The following GPR108 variants were observed in gnomAD, a reference collection of about 807,000 sequenced individuals.
GPR108 encodes the protein protein GPR108.
GPR108 carries 60 observed loss-of-function variants against 74.3 expected under a neutral mutation model. That is an observed-to-expected ratio of 0.81 (90% CI 0.66 to 1.00). The LOEUF (loss-of-function observed/expected upper bound fraction) is 1.00. Among genes scored for constraint, GPR108 ranks in the 50% least tolerant of loss-of-function variants. The pLI, the probability that GPR108 is intolerant of heterozygous loss-of-function variation, is 0.00. For missense variants in GPR108, 667 were observed against 703.3 expected, an observed-to-expected ratio of 0.95 and a Z score of 0.58; for synonymous variants, 311 against 292.4, an observed-to-expected ratio of 1.06 and a Z score of -0.65.
intron 8 of GPR108, 77 bp downstream of exon 8, chr19:6,733,493 A>G: frequency 6.8e-7 from 1 of 1,479,506 alleles, no homozygotes; most frequent in Admixed American, 1.7e-5. Context: ...GGAAAAGCTA[A>G]GCGGGGTGAG....
At position 6,732,081 on chromosome 19, in the gene GPR108, C is replaced by T. The variant is rs368245880; in HGVS notation, c.1200G>A (p.Glu400=). The T allele has an allele frequency of 1.2e-6, 2 of 1,614,004 alleles. No individual in the cohort carries two copies. The highest frequency in any genetic ancestry group is 1.7e-6 in the Non-Finnish European group (2 of 1,180,014). Residue 400 remains glutamate, a synonymous_variant, in exon 13 of 18, where the codon GAG becomes GAA. Coordinates refer to ENST00000264080, the MANE Select transcript of GPR108 (RefSeq NM_001080452.2). The part of the protein sequence containing the change: ...EGASDYVLWK[E]ILFLVDLICC... ...AGATGAGGTCCACCAGGAACAAAAT[C>T]TCCTTCCACAGCACGTAGTCGCTGG...
In GPR108 at chr19:6,734,067, G is replaced by A. The variant is rs373266020; in HGVS notation, c.500-13C>T. ...GCAGAGGTCCCTCCTGTAAGAGACCGGGCAGTGATTTTAAGAGATGGATGG... is the reference window on the plus strand; with the variant it reads ...GCAGAGGTCCCTCCTGTAAGAGACCAGGCAGTGATTTTAAGAGATGGATGG... On this transcript the variant is annotated splice_polypyrimidine_tract_variant and intron_variant, in intron 5 of 17. Coordinates refer to ENST00000264080, the MANE Select transcript of GPR108 (RefSeq NM_001080452.2). 14 of 1,614,186 alleles carry A rather than the reference G, an allele frequency of 8.7e-6. No homozygotes were observed. In the East Asian group the frequency reaches 1.1e-4, roughly 13 times the overall value.
chr19:6,736,788 C>A, intron 1 of GPR108, 77 bp from the exon 2 acceptor site: 1 of 1,600,636 alleles, frequency 6.2e-7, no homozygotes, highest in East Asian at 2.2e-5. Context: ...GCACGAGGAC[C>A]TCCAGAAGGG....
intron 1 of GPR108, 52 bp from the exon 2 acceptor site, chr19:6,736,763 A>G (rs1968651398): frequency 1.9e-6 from 3 of 1,612,166 alleles, no homozygotes; most frequent in South Asian, 1.1e-5. Context: ...CCGCCTGCCC[A>G]GCCCCAGGGG....
intron 5 of GPR108, 27 bp from the exon 6 acceptor site, chr19:6,734,081 A>G (rs776629750): frequency 1.9e-6 from 3 of 1,614,210 alleles, no homozygotes; most frequent in Non-Finnish European, 1.7e-6. Flanking sequence ...AGTGATTTTA[A>G]GAGATGGATG....
intron 1 of GPR108, 47 bp downstream of exon 1, chr19:6,737,410 G>A (rs763877851): frequency 6.4e-7 from 1 of 1,568,490 alleles, no homozygotes; most frequent in East Asian, 2.4e-5. Flanking sequence ...GCTTCTCCGA[G>A]ACAAAGTTGC....
Position 6,732,555 on chromosome 19 carries a change from G to A in GPR108, c.934-6C>T. ...TTGATGAAGTAGTAGTTGATCTGGG[G>A]GTGGATGGACAGACGGACAGTGAGG... is the stretch of plus-strand genomic sequence containing the variant. On this transcript the variant is annotated splice_region_variant and splice_polypyrimidine_tract_variant and intron_variant, in intron 10 of 17. Coordinates refer to ENST00000264080, the MANE Select transcript of GPR108 (RefSeq NM_001080452.2). 1 of 1,612,982 alleles carries A rather than the reference G, an allele frequency of 6.2e-7. No homozygotes were observed. Among genetic ancestry groups the A allele is most frequent in the South Asian group, 1.1e-5 (1 of 91,062 alleles).
At chr19:6,731,410 G>T in intron 15 of GPR108, 63 bp downstream of exon 15, 1 of 1,498,936 alleles carries the variant, frequency 6.7e-7, no homozygotes, top group Non-Finnish European at 9.0e-7. Context: ...CTGAGGGGCT[G>T]GGGTGGGCGT....
At chr19:6,734,118 G>A (rs1170159030) in intron 5 of GPR108, 64 bp from the exon 6 acceptor site, 11 of 1,614,034 alleles carry the variant, frequency 6.8e-6, no homozygotes, top group East Asian at 2.2e-5. Context: ...GTGGGAAAAC[G>A]GCATGGGGAG....
chr19:6,731,837 G>C, intron 14 of GPR108, 54 bp downstream of exon 14: 1 of 1,598,238 alleles, frequency 6.3e-7, no homozygotes, highest in Non-Finnish European at 8.5e-7. Context: ...AGAAAGAAGG[G>C]CCCGGAGGAG....
At chr19:6,732,940 G>A (rs1330231788) in intron 10 of GPR108, 47 bp downstream of exon 10, 7 of 1,503,542 alleles carry the variant, frequency 4.7e-6, no homozygotes, top group Non-Finnish European at 6.3e-6. Context: ...TGGCCCGGGT[G>A]GGCCTTTCAG....
intron 10 of GPR108, 119 bp downstream of exon 10, chr19:6,732,868 G>A: frequency 2.0e-5 from 17 of 858,714 alleles, no homozygotes; most frequent in Non-Finnish European, 3.1e-5. Flanking sequence ...AAAATGGGTG[G>A]ACACGTGGAT....
At chr19:6,733,384 T>C in intron 8 of GPR108, 83 bp from the exon 9 acceptor site, 1 of 1,435,224 alleles carries the variant, frequency 7.0e-7, no homozygotes, top group East Asian at 2.4e-5. Context: ...GGTCTCCAGC[T>C]CTCTCACTTT....
chr19:6,735,706 T>TG lies in GPR108; in HGVS notation c.292-3dup, dbSNP rs771062979. ...AGGGCAGTCCTGGAAATCCCGGGTC[T>TG]GGGGGGTGGGCAGGAGGGAGTGAGT... On this transcript the variant is annotated splice_region_variant and splice_polypyrimidine_tract_variant and intron_variant, in intron 3 of 17. Transcript: ENST00000264080. The TG allele has an allele frequency of 1.2e-6, 2 of 1,613,612 alleles. No individual in the cohort carries two copies. The highest frequency in any genetic ancestry group is 2.2e-5 in the South Asian group (2 of 91,064).
At position 6,732,553 on chromosome 19, in the gene GPR108, G is replaced by A; in HGVS notation, c.934-4C>T. The stretch of plus-strand genomic sequence containing the variant: ...TGTTGATGAAGTAGTAGTTGATCTG[G>A]GGGTGGATGGACAGACGGACAGTGA... On this transcript the variant is annotated splice_region_variant and splice_polypyrimidine_tract_variant and intron_variant, in intron 10 of 17. Coordinates refer to ENST00000264080, the MANE Select transcript of GPR108 (RefSeq NM_001080452.2). 1.2e-6 allele frequency: 2 copies of A among 1,613,042 alleles called. No individual in the cohort carries two copies. The highest frequency in any genetic ancestry group is 1.7e-6 in the Non-Finnish European group (2 of 1,179,582).
At position 6,734,007 on chromosome 19, in the gene GPR108, G is replaced by GA; in HGVS notation, c.546dup (p.Gln183SerfsTer4). 10 of 1,614,166 alleles carry GA rather than the reference G, an allele frequency of 6.2e-6. No homozygotes were observed. Among genetic ancestry groups the GA allele is most frequent in the Non-Finnish European group, 8.5e-6 (10 of 1,180,022 alleles). Reference sequence around the variant, plus strand: ...CTCCTGCCCCGCCTCCCCGAAACCTGAATCACTGCGGGTGTTGACTTGGGC... The same window carrying GA: ...CTCCTGCCCCGCCTCCCCGAAACCTGAAATCACTGCGGGTGTTGACTTGGGC... On this transcript the variant is annotated frameshift_variant, in exon 6 of 18. Coordinates refer to ENST00000264080, the MANE Select transcript of GPR108 (RefSeq NM_001080452.2). LOFTEE classifies it high-confidence loss of function.
intron 1 of GPR108, 24 bp downstream of exon 1, chr19:6,737,433 A>T: frequency 6.3e-7 from 1 of 1,584,878 alleles, no homozygotes. Context: ...CACCGACCCC[A>T]GACCCTCGCG....
chr19:6,734,201 G>C lies in GPR108; in HGVS notation c.481C>G (p.Pro161Ala). The C allele has an allele frequency of 6.2e-7, 1 of 1,614,250 alleles. No individual in the cohort carries two copies. The highest frequency in any genetic ancestry group is 8.5e-7 in the Non-Finnish European group (1 of 1,180,044). Reference sequence around the variant, plus strand: ...GACTCACCGCCATCCACCTTGCGGGGGACTGTGGCCTGTGGCTTCGGGAGC... The same window carrying C: ...GACTCACCGCCATCCACCTTGCGGGCGACTGTGGCCTGTGGCTTCGGGAGC... ...PGLPKPQATV[P>A]RKVDGGGTSA... Residue 161 changes from proline to alanine, a missense_variant, in exon 5 of 18, where the codon CCC (proline) becomes GCC (alanine). By Grantham distance (27) the Pro-to-Ala change is conservative (BLOSUM62 -1). Coordinates refer to ENST00000264080, the MANE Select transcript of GPR108 (RefSeq NM_001080452.2).
chr19:6,733,929 C>T lies in GPR108; in HGVS notation c.550-16G>A, dbSNP rs1300818505. ...CACTAGGACCCTGAAGGGACAGAGC[C>T]CCTCCATCAGCTGGTTCTGGGTCCC... On this transcript the variant is annotated splice_polypyrimidine_tract_variant and intron_variant, in intron 6 of 17. Transcript: ENST00000264080. 1.9e-6 allele frequency: 3 copies of T among 1,614,026 alleles called. No homozygotes were observed. Among genetic ancestry groups the T allele is most frequent in the Non-Finnish European group, 2.5e-6 (3 of 1,179,996 alleles).
Sources: gnomAD v4.1 joint callset for allele counts on GRCh38, gnomAD v4.1.1 for gene constraint, MANE v1.5 for transcripts, NCBI Gene and HGNC (gene_info 2026-07-23, HGNC 2026-07-21) for gene names.